The following METTL16 variants were observed in gnomAD, a reference collection of about 807,000 sequenced individuals.
METTL16 encodes the protein RNA N(6)-adenosine-methyltransferase METTL16.
Under a neutral mutation model 57.9 loss-of-function variants are expected in METTL16, and 19 were observed. The ratio of observed to expected loss-of-function variants is 0.33; its 90% CI spans 0.23 to 0.48. METTL16 has a LOEUF of 0.48. Among genes scored for constraint, METTL16 ranks in the 20% least tolerant of loss-of-function variants. METTL16 has a pLI of 0.99. For synonymous variants in METTL16, 246 were observed against 255.6 expected (o/e 0.96, Z 0.36); for missense variants, 434 against 691.5 (o/e 0.63, Z 4.18).
intron 6 of METTL16, among the ~76,000 whole-genome samples, chr17:2,456,902 C>G (rs1597453110): frequency 6.6e-6 from 1 of 150,828 alleles, no homozygotes; most frequent in Admixed American, 6.6e-5. Flanking sequence ...ATTCTCCTGC[C>G]TCAGCCTGCC....
At chr17:2,491,748 G>T (rs1425806417) in intron 2 of METTL16, among the ~76,000 whole-genome samples, 1 of 149,600 alleles carries the variant, frequency 6.7e-6, no homozygotes, top group South Asian at 2.1e-4. Flanking sequence ...GGTGGTGGGA[G>T]CCTGTAGTTC....
At chr17:2,486,019 T>C (rs1439973448) in intron 2 of METTL16, among the ~76,000 whole-genome samples, 1 of 152,252 alleles carries the variant, frequency 6.6e-6, no homozygotes, top group East Asian at 1.9e-4. Context: ...TCTAGGGTCC[T>C]AGGTAAAGCA....
At chr17:2,421,902 G>A (rs2066769368) in intron 8 of METTL16, among the ~76,000 whole-genome samples, 1 of 152,136 alleles carries the variant, frequency 6.6e-6, no homozygotes, top group African/African-American at 2.4e-5. Context: ...CTGATGAGAA[G>A]ACTGGATTTC....
At chr17:2,478,901 C>T (rs1872725400) in intron 2 of METTL16, among the ~76,000 whole-genome samples, 1 of 152,140 alleles carries the variant, frequency 6.6e-6, no homozygotes, top group African/African-American at 2.4e-5. Context: ...GTTTCCATCA[C>T]GGTCATGATG....
At position 2,492,531 on chromosome 17, in the gene METTL16, G is replaced by A. The variant is rs556832146; in HGVS notation, c.128+9673C>T. 6.6e-5 allele frequency among the ~76,000 whole-genome samples: 10 copies of A among 152,208 alleles called. No individual in the cohort carries two copies. The South Asian group carries it at 1.9e-3, about 28-fold the overall frequency. ...CACAACTGCTAACCTTCATGAGGAT[G>A]TCCTCTCATCCCTCCTTTTCAGGTG... On this transcript the variant is annotated intron_variant, in intron 2 of 9. Coordinates refer to ENST00000263092, the MANE Select transcript of METTL16 (RefSeq NM_024086.4).
At position 2,420,798 on chromosome 17, in the gene METTL16, C is replaced by T. The variant is rs142808274; in HGVS notation, c.995G>A (p.Arg332His). Residue 332 changes from arginine to histidine, a missense_variant, in exon 9 of 10, where the codon CGC (arginine) becomes CAC (histidine). Physicochemically the swap from Arg to His is conservative, Grantham distance 29. This residue lies in a region of METTL16 where 96 missense variants were observed against 138.3 expected (regional missense o/e 0.69). Coordinates refer to ENST00000263092, the MANE Select transcript of METTL16 (RefSeq NM_024086.4). The surrounding 1 kb of genome is among the most constrained non-coding windows in gnomAD (Gnocchi z 5.4). ...KELSLKASPL[R>H]SETAEGIVVV... ...GACTATGCCTTCCGCCGTCTCCGAG[C>T]GCAGAGGTGATGCTTTGAGGGATAA... 7.3e-4 allele frequency: 1,173 copies of T among 1,614,218 alleles called. 10 individuals carry two copies. In the African/African-American group the frequency reaches 0.014, roughly 19 times the overall value.
chr17:2,476,812 C>G (rs940941543), intron 3 of METTL16, among the ~76,000 whole-genome samples: 2 of 151,848 alleles, frequency 1.3e-5, no homozygotes, highest in Non-Finnish European at 2.9e-5. Context: ...AAAAATTAGC[C>G]AGGGGTGGTG....
chr17:2,466,339 C>T (rs1294844053), intron 5 of METTL16, among the ~76,000 whole-genome samples: 1 of 152,016 alleles, frequency 6.6e-6, no homozygotes, highest in Non-Finnish European at 1.5e-5. Context: ...AAGAAAAAAG[C>T]TCTCTCCTCA....
chr17:2,480,150 C>T (rs1408989218), intron 2 of METTL16, among the ~76,000 whole-genome samples: 1 of 143,664 alleles, frequency 7.0e-6, no homozygotes, highest in Non-Finnish European at 1.5e-5. Flanking sequence ...TGTGCCACTG[C>T]ACTTCAGCCT....
intron 6 of METTL16, among the ~76,000 whole-genome samples, chr17:2,455,793 G>A (rs2067105851): frequency 6.6e-6 from 1 of 152,026 alleles, no homozygotes; most frequent in South Asian, 2.1e-4. Context: ...GCCACCCTGG[G>A]CAACATGGCA....
intron 6 of METTL16, among the ~76,000 whole-genome samples, chr17:2,452,027 C>T (rs1166999347): frequency 6.6e-6 from 1 of 151,030 alleles, no homozygotes; most frequent in African/African-American, 2.4e-5. Context: ...GTCCCAGCTA[C>T]TAGGGGGGCT....
intron 8 of METTL16, among the ~76,000 whole-genome samples, chr17:2,424,656 A>C (rs2066802383): frequency 6.6e-6 from 1 of 152,064 alleles, no homozygotes; most frequent in Non-Finnish European, 1.5e-5. Flanking sequence ...CTAGACATTA[A>C]GAGACAGACA....
intron 3 of METTL16, among the ~76,000 whole-genome samples, chr17:2,474,178 GTCT>G (rs1347817498): frequency 6.6e-6 from 1 of 152,072 alleles, no homozygotes; most frequent in Non-Finnish European, 1.5e-5. Context: ...TTTGTAAAGA[GTCT>G]TCATTTTAAA....
chr17:2,498,476 G>A (rs958973972), intron 2 of METTL16, among the ~76,000 whole-genome samples: 1 of 151,460 alleles, frequency 6.6e-6, no homozygotes, highest in Non-Finnish European at 1.5e-5. Flanking sequence ...GGTGGCTCAC[G>A]CCTGTAATCC....
chr17:2,430,398 AT>A (rs2066863714), intron 8 of METTL16, among the ~76,000 whole-genome samples: 1 of 141,718 alleles, frequency 7.1e-6, no homozygotes. Context: ...ATTCAGATAT[AT>A]TTTTAGAATT....
intron 2 of METTL16, among the ~76,000 whole-genome samples, chr17:2,495,282 A>G (rs2317083): frequency 0.85 from 128,721 of 151,928 alleles, 55,323 homozygotes; most frequent in Non-Finnish European, 0.93. Context: ...TGTGAGCCAC[A>G]ATTATACCAC....
rs2066722449 is a variant in METTL16, at chr17:2,417,058, C to CTTTGTTTTTTTTTTTTTTT, written c.*2911_*2912insAAAAAAAAAAAAAAACAAA. The stretch of plus-strand genomic sequence containing the variant: ...TGAAAGCTGGCCTGCTCATGGGTTC[C>CTTTGTTTTTTTTTTTTTTT]TTTTTTTTTTTTTTTTTTTTTTTTT... On this transcript the variant is annotated 3_prime_UTR_variant, in exon 10 of 10. Transcript: ENST00000263092. 1 of 61,534 alleles carries CTTTGTTTTTTTTTTTTTTT rather than the reference C, an allele frequency of 1.6e-5. No individual in the cohort carries two copies. The highest frequency in any genetic ancestry group is 7.8e-4 in the East Asian group (1 of 1,274). The allele number at this position is 61,534 out of a possible 1,614,324, so 3.8% of individuals were successfully genotyped here.
intron 1 of METTL16, among the ~76,000 whole-genome samples, chr17:2,505,435 T>TA (rs2067524955): frequency 8.6e-6 from 1 of 115,954 alleles, no homozygotes; most frequent in Non-Finnish European, 1.7e-5. Context: ...TTTTTTTAGA[T>TA]ACATGGTTTC....
At chr17:2,477,138 C>A (rs888474427) in intron 3 of METTL16, among the ~76,000 whole-genome samples, 1 of 151,930 alleles carries the variant, frequency 6.6e-6, no homozygotes, top group African/African-American at 2.4e-5. Context: ...GCCCAGGAGT[C>A]AAGACCAACC....
Sources: gnomAD v4.1 joint callset for allele counts (sites outside exome capture counted in the v4.1 genomes callset) on GRCh38, gnomAD v4.1.1 for gene constraint, gnomAD v4.1.1 regional missense constraint, Gnocchi (gnomAD v3.1) non-coding constraint, MANE v1.5 for transcripts, NCBI Gene and HGNC (gene_info 2026-07-23, HGNC 2026-07-21) for gene names.